F13A1: variants seen among roughly 807,000 people sequenced by gnomAD.
The protein encoded by F13A1 is FSF, A subunit.
A neutral mutation model predicts 80.1 loss-of-function variants in F13A1; 47 were observed. The observed-to-expected ratio is 0.59, with a 90% CI of 0.46 to 0.75. F13A1 has a LOEUF of 0.75. Among genes scored for constraint, F13A1 ranks in the 30% least tolerant of loss-of-function variants. The pLI is 0.00. For synonymous variants in F13A1, 349 were observed against 344.9 expected, an observed-to-expected ratio of 1.01 and a Z score of -0.13; for missense variants, 817 against 930.4, an observed-to-expected ratio of 0.88 and a Z score of 1.59.
intron 3 of F13A1, among the ~76,000 whole-genome samples, chr6:6,294,908 C>A (rs1758298207): frequency 8.3e-6 from 1 of 120,402 alleles, no homozygotes; most frequent in Non-Finnish European, 1.7e-5. Context: ...CCCCACCCCA[C>A]AACAGGCCCC....
At chr6:6,203,015 G>A (rs1761425101) in intron 8 of F13A1, among the ~76,000 whole-genome samples, 1 of 152,208 alleles carries the variant, frequency 6.6e-6, no homozygotes, top group Non-Finnish European at 1.5e-5. Flanking sequence ...CAAATGCAAA[G>A]ACAAGTGTGT....
intron 6 of F13A1, among the ~76,000 whole-genome samples, 169 bp from the exon 7 acceptor site, chr6:6,225,029 C>G (rs1365499118): frequency 6.6e-6 from 1 of 152,168 alleles, no homozygotes; most frequent in Non-Finnish European, 1.5e-5. Flanking sequence ...AAAAAAGATG[C>G]AAAAACTAAA....
At chr6:6,229,514 T>C (rs1256609308) in intron 6 of F13A1, among the ~76,000 whole-genome samples, 1 of 152,128 alleles carries the variant, frequency 6.6e-6, no homozygotes, top group African/African-American at 2.4e-5. Flanking sequence ...ACCATAGTTA[T>C]GGAAAACAAA....
chr6:6,188,143 T>TATCA (rs1178213618), intron 10 of F13A1, among the ~76,000 whole-genome samples: 1 of 152,236 alleles, frequency 6.6e-6, no homozygotes, highest in Non-Finnish European at 1.5e-5. Flanking sequence ...GCTTGCGGTC[T>TATCA]ATCAGTTTTG....
intron 4 of F13A1, among the ~76,000 whole-genome samples, chr6:6,253,585 A>G (rs1232310624): frequency 6.6e-6 from 1 of 152,186 alleles, no homozygotes; most frequent in Non-Finnish European, 1.5e-5. Context: ...AGAGCTGGCT[A>G]GTCAAGCCCA....
At chr6:6,226,700 T>C (rs1313301144) in intron 6 of F13A1, among the ~76,000 whole-genome samples, 1 of 152,232 alleles carries the variant, frequency 6.6e-6, no homozygotes, top group Non-Finnish European at 1.5e-5. Context: ...TACCAAGTGT[T>C]AGCAAAGACT....
intron 13 of F13A1, among the ~76,000 whole-genome samples, chr6:6,159,946 G>A (rs185356976): frequency 6.6e-5 from 10 of 152,030 alleles, no homozygotes; most frequent in African/African-American, 1.2e-4. Flanking sequence ...AGAAAGTGGC[G>A]CAACCTTTCC....
chr6:6,153,395 C>T (rs1760417137), intron 13 of F13A1, among the ~76,000 whole-genome samples: 1 of 152,100 alleles, frequency 6.6e-6, no homozygotes. Flanking sequence ...CACATGTACC[C>T]CATAAATATG....
chr6:6,200,576 G>T (rs1258431337), intron 8 of F13A1, among the ~76,000 whole-genome samples: 1 of 151,282 alleles, frequency 6.6e-6, no homozygotes, highest in Non-Finnish European at 1.5e-5. Flanking sequence ...AAGTGATCTA[G>T]GTTGTAAGAC....
intron 9 of F13A1, among the ~76,000 whole-genome samples, chr6:6,196,846 G>A (rs1027714278): frequency 3.9e-5 from 6 of 152,106 alleles, no homozygotes; most frequent in South Asian, 2.1e-4. Flanking sequence ...ATTATTTTTC[G>A]AGTTCTCTAT....
intron 10 of F13A1, among the ~76,000 whole-genome samples, chr6:6,191,848 T>G (rs1446485511): frequency 1.3e-5 from 2 of 152,222 alleles, no homozygotes; most frequent in African/African-American, 4.8e-5. Flanking sequence ...TACAAGAGCT[T>G]CTACCTTCAT....
chr6:6,181,731 A>C lies in F13A1; in HGVS notation c.1459+257T>G, dbSNP rs1760988921. Among the ~76,000 whole-genome samples, 5 of 152,238 alleles carry C rather than the reference A, an allele frequency of 3.3e-5. 1 individual carries two copies. The South Asian group carries it at 1.0e-3, about 32-fold the overall frequency. On this transcript the variant is annotated intron_variant, in intron 11 of 14. Transcript: ENST00000264870. ...CAAGAACATATTCTATATTCTGTTA[A>C]ATTAGGTATGACTTTAAACCAAATC...
rs775184900 is a variant in F13A1, at chr6:6,222,148, C to T, written c.997G>A (p.Ala333Thr). 5.6e-6 allele frequency: 9 copies of T among 1,614,050 alleles called. No homozygotes were observed. Among genetic ancestry groups the T allele is most frequent in the Admixed American group, 5.0e-5 (3 of 60,008 alleles). ...GAGAAATAATTGGTAACAATTCTTGCTGGTATTCCAAGGCATCGTAAAACT... is the reference window on the plus strand; with the variant it reads ...GAGAAATAATTGGTAACAATTCTTGTTGGTATTCCAAGGCATCGTAAAACT... Reference protein sequence around the residue: ...NTFLRCLGIPARIVTNYFSAH... With the variant: ...NTFLRCLGIPTRIVTNYFSAH... Residue 333 changes from alanine (A) to threonine (T), a missense_variant, in exon 8 of 15, where the codon GCA (alanine) becomes ACA (threonine). Transcript: ENST00000264870.
chr6:6,145,268 C>T lies in F13A1; in HGVS notation c.*351G>A. ...ATCTGAAGTCTTGTTTTAAATGAGG[C>T]CAGGTATTGAGCAAATCTCCCTGGT... On this transcript the variant is annotated 3_prime_UTR_variant, in exon 15 of 15. Transcript: ENST00000264870. 3.0e-6 allele frequency: 1 copy of T among 334,892 alleles called. No individual in the cohort carries two copies. The highest frequency in any genetic ancestry group is 5.8e-6 in the Non-Finnish European group (1 of 173,056). The allele number at this position is 334,892 out of a possible 1,614,324, so 20.7% of individuals were successfully genotyped here. A position where few individuals can be genotyped will look rare whatever the true frequency, so the allele number is the denominator to read the frequency against.
At position 6,228,295 on chromosome 6, in the gene F13A1, T is replaced by G. The variant is rs186409983; in HGVS notation, c.799-3435A>C. Among the ~76,000 whole-genome samples, 239 of 152,126 alleles carry G rather than the reference T, an allele frequency of 1.6e-3. 1 individual carries two copies. The highest frequency in any genetic ancestry group is 3.0e-3 in the Non-Finnish European group (207 of 67,994). ...CATTATCAGCATAATGCAATAAACT[T>G]CAAAACATGGTCCCAACAAAACATG... is the stretch of plus-strand genomic sequence containing the variant. On this transcript the variant is annotated intron_variant, in intron 6 of 14. Coordinates refer to ENST00000264870, the MANE Select transcript of F13A1 (RefSeq NM_000129.4).
At chr6:6,277,886 G>A (rs1284737127) in intron 3 of F13A1, among the ~76,000 whole-genome samples, 1 of 152,162 alleles carries the variant, frequency 6.6e-6, no homozygotes, top group Non-Finnish European at 1.5e-5. Flanking sequence ...TGTAACCTGT[G>A]GAATATGTAT....
At chr6:6,200,976 C>A (rs1761381881) in intron 8 of F13A1, among the ~76,000 whole-genome samples, 1 of 152,056 alleles carries the variant, frequency 6.6e-6, no homozygotes, top group Non-Finnish European at 1.5e-5. Context: ...TGAAGGTTGC[C>A]CCATCAGGCA....
At chr6:6,232,020 T>A (rs904819260) in intron 6 of F13A1, among the ~76,000 whole-genome samples, 12 of 151,782 alleles carry the variant, frequency 7.9e-5, no homozygotes, top group Admixed American at 1.3e-4. Context: ...AAATACAAGT[T>A]AAAAAGCAAA....
intron 2 of F13A1, among the ~76,000 whole-genome samples, chr6:6,307,743 A>G (rs1168910982): frequency 6.6e-6 from 1 of 152,168 alleles, no homozygotes; most frequent in Non-Finnish European, 1.5e-5. Context: ...TGAGAGCCCT[A>G]CTACTTGGGC....
Sources: allele counts gnomAD v4.1 joint callset (sites outside exome capture counted in the v4.1 genomes callset), GRCh38; gene constraint gnomAD v4.1.1; transcripts MANE v1.5; gene names NCBI Gene and HGNC (gene_info 2026-07-23, HGNC 2026-07-21).